PRKN: variants seen among roughly 807,000 people sequenced by gnomAD.
The protein encoded by PRKN is E3 ubiquitin-protein ligase parkin.
PRKN carries 56 observed loss-of-function variants against 59.5 expected under a neutral mutation model. The ratio of observed to expected loss-of-function variants is 0.94; its 90% CI spans 0.76 to 1.18. The LOEUF (loss-of-function observed/expected upper bound fraction) is 1.18, where lower values mean the gene tolerates loss of function less well. Ranked by LOEUF, PRKN falls within the 50% of genes most tolerant of loss-of-function variation. The pLI, the probability that PRKN is intolerant of heterozygous loss-of-function variation, is 0.00. For synonymous variants in PRKN, 250 were observed against 222.1 expected, an observed-to-expected ratio of 1.13 and a Z score of -1.12; for missense variants, 657 against 596.4, an observed-to-expected ratio of 1.10 and a Z score of -1.06.
chr6:161,549,077 G>T lies in PRKN; in HGVS notation c.934-74C>A. On this transcript the variant is annotated intron_variant, in intron 8 of 11. Transcript: ENST00000366898. The surrounding 1 kb of genome is among the most constrained non-coding windows in gnomAD (Gnocchi z 6.0). ...CAGCCAAAGGGTTAGGAGCTACAGT[G>T]CATGGGATTTCTTGCTTAACCAGTT... The T allele has an allele frequency of 6.5e-7, 1 of 1,529,734 alleles. No homozygotes were observed. Among genetic ancestry groups the T allele is most frequent in the Non-Finnish European group, 9.1e-7 (1 of 1,104,004 alleles). The allele number at this position is 1,529,734 out of a possible 1,614,324, so 94.8% of individuals were successfully genotyped here. A position where few individuals can be genotyped will look rare whatever the true frequency, so the allele number is the denominator to read the frequency against.
At chr6:162,339,130 G>C (rs1469553441) in intron 2 of PRKN, among the ~76,000 whole-genome samples, 5 of 144,516 alleles carry the variant, frequency 3.5e-5, no homozygotes. Flanking sequence ...GAGCCCCTCC[G>C]CCCGGCAGCC....
chr6:161,828,694 G>A (rs1289501158), intron 6 of PRKN, among the ~76,000 whole-genome samples: 3 of 152,108 alleles, frequency 2.0e-5, no homozygotes, highest in Non-Finnish European at 2.9e-5. Context: ...TGAGGTGGGC[G>A]GATCACCTGA....
At position 161,947,614 on chromosome 6, in the gene PRKN, G is replaced by C. The variant is rs527695197; in HGVS notation, c.734+25688C>G. On this transcript the variant is annotated intron_variant, in intron 6 of 11. Transcript: ENST00000366898. ...GATACCTGTCATGGAACTACATCTT[G>C]TATTCATGTGTTAAACAGAGCTCTG... is the stretch of plus-strand genomic sequence containing the variant. Among the ~76,000 whole-genome samples, 10 of 152,252 alleles carry C rather than the reference G, an allele frequency of 6.6e-5. No homozygotes were observed. In the South Asian group the frequency reaches 1.2e-3, roughly 19 times the overall value.
At chr6:162,498,139 T>C (rs1053869079) in intron 1 of PRKN, among the ~76,000 whole-genome samples, 1 of 152,138 alleles carries the variant, frequency 6.6e-6, no homozygotes, top group African/African-American at 2.4e-5. Flanking sequence ...ACCAGTTGTG[T>C]TCAGTTCCAC....
chr6:162,708,826 G>A (rs973674753), intron 1 of PRKN, among the ~76,000 whole-genome samples: 3 of 152,024 alleles, frequency 2.0e-5, no homozygotes, highest in African/African-American at 7.2e-5. Flanking sequence ...CCCCCAAGCC[G>A]CAGGCCATAG....
At chr6:161,605,483 T>C (rs951557425) in intron 7 of PRKN, among the ~76,000 whole-genome samples, 1 of 151,396 alleles carries the variant, frequency 6.6e-6, no homozygotes, top group Non-Finnish European at 1.5e-5. Context: ...TTTGACACCA[T>C]TGTAAATAGC....
At chr6:161,771,371 AT>A (rs145122536) in intron 7 of PRKN, among the ~76,000 whole-genome samples, 57,355 of 126,984 alleles carry the variant, frequency 0.45, 15,152 homozygotes, top group Non-Finnish European at 0.52. Flanking sequence ...AAAAAAAAAA[AT>A]AAAATAAAAT....
intron 4 of PRKN, among the ~76,000 whole-genome samples, chr6:162,095,873 G>C (rs1779703931): frequency 1.3e-5 from 2 of 152,092 alleles, no homozygotes; most frequent in South Asian, 4.1e-4. Context: ...TGTAAAATAA[G>C]GACAGCGATA....
chr6:161,985,802 G>C (rs1475656254), intron 5 of PRKN, among the ~76,000 whole-genome samples: 1 of 152,108 alleles, frequency 6.6e-6, no homozygotes, highest in African/African-American at 2.4e-5. Flanking sequence ...CCCTTGGCCT[G>C]CCATGGAGAC....
intron 4 of PRKN, among the ~76,000 whole-genome samples, chr6:162,055,906 C>T (rs747696962): frequency 1.5e-4 from 23 of 152,004 alleles, no homozygotes; most frequent in Admixed American, 2.6e-4. Context: ...GGAGTGCTCC[C>T]TCCCTCCCTC....
rs151112151 is a variant in PRKN, at chr6:161,407,002, G to A, written c.1084-20125C>T. Among the ~76,000 whole-genome samples, 5 of 152,184 alleles carry A rather than the reference G, an allele frequency of 3.3e-5. No homozygotes were observed. Among genetic ancestry groups the A allele is most frequent in the African/African-American group, 7.2e-5 (3 of 41,502 alleles). On this transcript the variant is annotated intron_variant, in intron 9 of 11. Transcript: ENST00000366898. This position sits in a 1 kb window ranked among gnomAD's most constrained non-coding sequence, Gnocchi z 4.9. ...CTTAGGCCAGCCAAGGTTTAGGCTC[G>A]TTGGATATTTTTAACAAAATGGGAC... is the stretch of plus-strand genomic sequence containing the variant.
intron 6 of PRKN, among the ~76,000 whole-genome samples, chr6:161,906,369 CT>C (rs1241049974): frequency 6.6e-6 from 1 of 152,108 alleles, no homozygotes; most frequent in Non-Finnish European, 1.5e-5. Flanking sequence ...TTCTCAGAAC[CT>C]TGCTGACATT....
chr6:162,144,313 T>C (rs371468691), intron 4 of PRKN, among the ~76,000 whole-genome samples: 5 of 152,212 alleles, frequency 3.3e-5, no homozygotes, highest in African/African-American at 9.7e-5. Context: ...TATTCATGAC[T>C]CACATCTTTC....
chr6:162,509,396 T>C (rs1190863440), intron 1 of PRKN, among the ~76,000 whole-genome samples: 1 of 152,162 alleles, frequency 6.6e-6, no homozygotes, highest in Non-Finnish European at 1.5e-5. Context: ...AATTTGTATA[T>C]TTTATGTTGC....
chr6:161,889,116 G>A (rs1023967548), intron 6 of PRKN, among the ~76,000 whole-genome samples: 5 of 151,882 alleles, frequency 3.3e-5, no homozygotes, highest in African/African-American at 9.7e-5. Flanking sequence ...AGAGAACTAC[G>A]GAAATAAAAA....
intron 6 of PRKN, among the ~76,000 whole-genome samples, chr6:161,828,493 C>T (rs1368663575): frequency 6.6e-6 from 1 of 152,138 alleles, no homozygotes; most frequent in African/African-American, 2.4e-5. Context: ...GTGGGCCCCC[C>T]GACCTCACGC....
At chr6:162,341,020 C>A (rs935225784) in intron 2 of PRKN, among the ~76,000 whole-genome samples, 1 of 152,086 alleles carries the variant, frequency 6.6e-6, no homozygotes, top group Non-Finnish European at 1.5e-5. Flanking sequence ...ATCTATCTAT[C>A]TGACAAGGGC....
At chr6:161,666,872 T>C (rs1307769046) in intron 7 of PRKN, among the ~76,000 whole-genome samples, 1 of 152,090 alleles carries the variant, frequency 6.6e-6, no homozygotes, top group African/African-American at 2.4e-5. Context: ...CAGCAGAAGA[T>C]GCCTTACACT....
intron 9 of PRKN, among the ~76,000 whole-genome samples, chr6:161,431,533 AT>A (rs1788647078): frequency 6.6e-6 from 1 of 152,132 alleles, no homozygotes; most frequent in South Asian, 2.1e-4. Context: ...TCCACCTCTT[AT>A]TAACAACAAA....
Sources: allele counts gnomAD v4.1 joint callset (sites outside exome capture counted in the v4.1 genomes callset), GRCh38; gene constraint gnomAD v4.1.1; non-coding constraint Gnocchi (gnomAD v3.1); transcripts MANE v1.5; gene names NCBI Gene and HGNC (gene_info 2026-07-23, HGNC 2026-07-21).